The following COL23A1 variants were observed in gnomAD, a reference collection of about 807,000 sequenced individuals.
COL23A1 encodes collagen alpha-1(XXIII) chain.
A neutral mutation model predicts 99.3 loss-of-function variants in COL23A1; 97 were observed. That is an observed-to-expected ratio of 0.98 (90% CI 0.83 to 1.16). The LOEUF is 1.16. COL23A1 is among the 50% of genes most tolerant of loss of function. COL23A1 has a pLI of 0.00. For missense variants in COL23A1, 762 were observed against 757.4 expected, an observed-to-expected ratio of 1.01 and a Z score of -0.07; for synonymous variants, 320 against 308.2, an observed-to-expected ratio of 1.04 and a Z score of -0.40.
intron 3 of COL23A1, among the ~76,000 whole-genome samples, chr5:178,299,731 T>G (rs1331597015): frequency 6.6e-6 from 1 of 151,894 alleles, no homozygotes; most frequent in African/African-American, 2.4e-5. Flanking sequence ...TCTTTTATTT[T>G]TTAATTTTTA....
At chr5:178,552,279 A>G (rs1404335037) in intron 2 of COL23A1, among the ~76,000 whole-genome samples, 1 of 152,130 alleles carries the variant, frequency 6.6e-6, no homozygotes, top group Non-Finnish European at 1.5e-5. Context: ...CCAGCACAAA[A>G]TAGGGTAGGA....
intron 2 of COL23A1, among the ~76,000 whole-genome samples, chr5:178,528,979 A>C (rs766800593): frequency 6.6e-6 from 1 of 152,218 alleles, no homozygotes; most frequent in Admixed American, 6.5e-5. Context: ...CATGACCCAA[A>C]ATTCAGTGGC....
intron 2 of COL23A1, among the ~76,000 whole-genome samples, chr5:178,536,015 G>C (rs981037838): frequency 6.6e-6 from 1 of 152,274 alleles, no homozygotes; most frequent in African/African-American, 2.4e-5. Flanking sequence ...CCTTCCTCCA[G>C]GTAAAATGCT....
At chr5:178,393,601 G>A (rs1165436185) in intron 2 of COL23A1, among the ~76,000 whole-genome samples, 1 of 151,784 alleles carries the variant, frequency 6.6e-6, no homozygotes, top group African/African-American at 2.4e-5. Context: ...CCCAATGCAT[G>A]TGGAAGGAAA....
intron 9 of COL23A1, among the ~76,000 whole-genome samples, chr5:178,262,793 T>C (rs1561803040): frequency 6.6e-6 from 1 of 152,076 alleles, no homozygotes; most frequent in African/African-American, 2.4e-5. Flanking sequence ...AAGGTCAGCT[T>C]AGGGTCTCTG....
chr5:178,353,571 A>G (rs1581207509), intron 2 of COL23A1, among the ~76,000 whole-genome samples: 1 of 152,362 alleles, frequency 6.6e-6, no homozygotes, highest in South Asian at 2.1e-4. Flanking sequence ...AGACATACCC[A>G]AGTCACCTTT....
chr5:178,367,483 TG>T (rs1426245845), intron 2 of COL23A1, among the ~76,000 whole-genome samples: 1 of 152,192 alleles, frequency 6.6e-6, no homozygotes, highest in Non-Finnish European at 1.5e-5. Context: ...AAGCCCACTG[TG>T]GTAGACTGGG....
chr5:178,480,004 G>GGTACC (rs1757246379), intron 2 of COL23A1, among the ~76,000 whole-genome samples: 1 of 152,094 alleles, frequency 6.6e-6, no homozygotes, highest in East Asian at 1.9e-4. Flanking sequence ...AGGCAACTGA[G>GGTACC]ATAAAACGGT....
Position 178,589,429 on chromosome 5 carries a change from C to T in COL23A1, c.294+475G>A, listed in dbSNP as rs923899964. The stretch of plus-strand genomic sequence containing the variant: ...ACACTGGAGCACAGCGGGGCCCAGC[C>T]CTCGGGCCTGTCTGAGGCTTTCCTC... On this transcript the variant is annotated intron_variant, in intron 1 of 28. Coordinates refer to ENST00000390654, the MANE Select transcript of COL23A1 (RefSeq NM_173465.4). This position sits in a 1 kb window ranked among gnomAD's most constrained non-coding sequence, Gnocchi z 5.4. Among the ~76,000 whole-genome samples the T allele has an allele frequency of 7.2e-5, 11 of 152,102 alleles. No individual in the cohort carries two copies. The highest frequency in any genetic ancestry group is 3.9e-4 in the Admixed American group (6 of 15,282).
intron 2 of COL23A1, among the ~76,000 whole-genome samples, chr5:178,451,787 T>C (rs186176909): frequency 1.3e-5 from 2 of 151,790 alleles, no homozygotes; most frequent in Admixed American, 1.3e-4. Context: ...TATTCTAAAA[T>C]ACAAGATACC....
rs1762391050 is a variant in COL23A1, at chr5:178,365,127, C to CTGTGTGCGTG, written c.362-58209_362-58208insCACGCACACA. ...CTTTGGGGTGGGCTTTATGATGTTG[C>CTGTGTGCGTG]TGTGTGTGCGTGTGTGTGTGTGTGT... On this transcript the variant is annotated intron_variant, in intron 2 of 28. Transcript: ENST00000390654. The surrounding 1 kb of genome is among the most constrained non-coding windows in gnomAD (Gnocchi z 5.2). Among the ~76,000 whole-genome samples the CTGTGTGCGTG allele has an allele frequency of 8.3e-6, 1 of 120,398 alleles. No individual in the cohort carries two copies. Among genetic ancestry groups the CTGTGTGCGTG allele is most frequent in the Non-Finnish European group, 1.7e-5 (1 of 57,692 alleles). The allele number at this position is 120,398 out of a possible 152,430, so 79.0% of individuals were successfully genotyped here.
chr5:178,327,922 G>A (rs187579820), intron 2 of COL23A1, among the ~76,000 whole-genome samples: 25 of 152,310 alleles, frequency 1.6e-4, no homozygotes, highest in Middle Eastern at 3.4e-3. Flanking sequence ...AAAGGACCCC[G>A]GCAAGCCCTG....
intron 11 of COL23A1, among the ~76,000 whole-genome samples, chr5:178,260,662 C>T (rs545872771): frequency 1.8e-4 from 28 of 152,220 alleles, no homozygotes; most frequent in East Asian, 1.4e-3. Context: ...GGTGTGGTGG[C>T]GCACGCCTGT....
intron 2 of COL23A1, among the ~76,000 whole-genome samples, chr5:178,535,342 T>C (rs935194422): frequency 6.6e-6 from 1 of 152,200 alleles, no homozygotes; most frequent in Non-Finnish European, 1.5e-5. Flanking sequence ...GGCTTCCTTA[T>C]CTACTCCAAC....
chr5:178,285,633 C>T (rs1370075983), intron 5 of COL23A1, among the ~76,000 whole-genome samples: 1 of 152,228 alleles, frequency 6.6e-6, no homozygotes, highest in Non-Finnish European at 1.5e-5. Context: ...GTTAACCCCG[C>T]TCTGCAGGTG....
rs1179332442 is a variant in COL23A1, at chr5:178,417,096, C to G, written c.362-110177G>C. 2.0e-5 allele frequency among the ~76,000 whole-genome samples: 3 copies of G among 152,198 alleles called. No homozygotes were observed. The South Asian group carries it at 6.2e-4, about 31-fold the overall frequency. On this transcript the variant is annotated intron_variant, in intron 2 of 28. Coordinates refer to ENST00000390654, the MANE Select transcript of COL23A1 (RefSeq NM_173465.4). ...TGAATGAATCACGATCTGATTCACT[C>G]AGCACTGTCAGCAGTGTCAGCAGCG...
intron 2 of COL23A1, among the ~76,000 whole-genome samples, chr5:178,555,876 G>A (rs1263279939): frequency 6.6e-6 from 1 of 152,178 alleles, no homozygotes; most frequent in African/African-American, 2.4e-5. Context: ...GACCCACCTG[G>A]CCAGAGCCTC....
chr5:178,571,597 G>T (rs1043216166), intron 1 of COL23A1, among the ~76,000 whole-genome samples: 1 of 128,738 alleles, frequency 7.8e-6, no homozygotes, highest in African/African-American at 3.6e-5. Flanking sequence ...ATGTCTGGCA[G>T]AAGAATAAGA....
chr5:178,583,697 G>A (rs2113736053), intron 1 of COL23A1, among the ~76,000 whole-genome samples: 1 of 152,298 alleles, frequency 6.6e-6, no homozygotes, highest in Middle Eastern at 3.4e-3. Context: ...TGTGAATCTG[G>A]AGTTGCTGGA....
Sources: allele counts gnomAD v4.1 joint callset (sites outside exome capture counted in the v4.1 genomes callset), GRCh38; gene constraint gnomAD v4.1.1; non-coding constraint Gnocchi (gnomAD v3.1); transcripts MANE v1.5; gene names NCBI Gene and HGNC (gene_info 2026-07-23, HGNC 2026-07-21).